Variants in CYP39A1 observed in about 807,000 individuals in gnomAD.
CYP39A1 encodes 24-hydroxycholesterol 7-alpha-hydroxylase.
In CYP39A1, 49 loss-of-function variants were observed where a neutral mutation model predicts 58.1. That is an observed-to-expected ratio of 0.84 (90% confidence interval 0.67 to 1.07). CYP39A1 has a LOEUF of 1.07. CYP39A1 is among the 50% of genes least tolerant of loss of function. The pLI is 0.00. For missense variants in CYP39A1, 531 were observed against 539.4 expected, an observed-to-expected ratio of 0.98 and a Z score of 0.16; for synonymous variants, 209 against 187.6, an observed-to-expected ratio of 1.11 and a Z score of -0.93.
intron 7 of CYP39A1, among the ~76,000 whole-genome samples, chr6:46,602,266 G>C (rs1358373066): frequency 2.0e-5 from 3 of 152,118 alleles, no homozygotes; most frequent in African/African-American, 7.2e-5. Flanking sequence ...AGTCAAATTT[G>C]AAAGACGTTT....
intron 1 of CYP39A1, among the ~76,000 whole-genome samples, chr6:46,645,285 C>A (rs372358674): frequency 6.6e-6 from 1 of 152,010 alleles, no homozygotes; most frequent in East Asian, 1.9e-4. Context: ...ACATTTAAGT[C>A]TGTTATCTAT....
intron 7 of CYP39A1, among the ~76,000 whole-genome samples, chr6:46,617,860 T>A (rs1330361361): frequency 5.3e-5 from 8 of 152,192 alleles, no homozygotes; most frequent in Non-Finnish European, 1.2e-4. Flanking sequence ...ACTATTACTG[T>A]TTCTACTACT....
rs1277253752 is a variant in CYP39A1, at chr6:46,596,142, GAAAT to G, written c.932-26_932-23del. Reference sequence around the variant, plus strand: ...TTGCCTGTAAAAAAATTTTTAATGAGAAATAAATAGACTACAGAGGTCAGAAAGT... The same window carrying G: ...TTGCCTGTAAAAAAATTTTTAATGAGAAATAGACTACAGAGGTCAGAAAGT... On this transcript the variant is annotated intron_variant, in intron 7 of 11. Transcript: ENST00000275016. 3.4e-5 allele frequency: 53 copies of G among 1,577,744 alleles called. No individual in the cohort carries two copies. In the Admixed American group the frequency reaches 8.9e-4, roughly 26 times the overall value.
intron 7 of CYP39A1, among the ~76,000 whole-genome samples, chr6:46,602,072 C>G (rs9472789): frequency 0.071 from 10,815 of 152,096 alleles, 883 homozygotes; most frequent in African/African-American, 0.2. Context: ...TAGATCTGTT[C>G]TTCGATGTAT....
intron 10 of CYP39A1, among the ~76,000 whole-genome samples, chr6:46,554,617 A>G (rs1770575721): frequency 6.6e-6 from 1 of 152,240 alleles, no homozygotes. Context: ...GAAACTAAAA[A>G]ACTGAAAAAA....
intron 10 of CYP39A1, among the ~76,000 whole-genome samples, chr6:46,556,624 G>C (rs1179227242): frequency 6.6e-6 from 1 of 152,154 alleles, no homozygotes; most frequent in East Asian, 1.9e-4. Flanking sequence ...TGGACCATTA[G>C]CTAGAGCTCT....
At chr6:46,639,795 C>T in intron 2 of CYP39A1, 127 bp from the exon 3 acceptor site, 1 of 696,864 alleles carries the variant, frequency 1.4e-6, no homozygotes, top group East Asian at 2.7e-5. Context: ...AAGGTCACCT[C>T]CCATAAATAA....
rs1561994544 is a variant in CYP39A1 at position 46,616,259 on chromosome 6, T to TTCCTTC, written c.931+9158_931+9159insGAAGGA. ...CCCTCCCTCCCTTCCTTCCTTCCTTTCTTCCTTCCTTCCTTCCTTCCTTCA... is the reference window on the plus strand; with the variant it reads ...CCCTCCCTCCCTTCCTTCCTTCCTTTTCCTTCCTTCCTTCCTTCCTTCCTTCCTTCA... On this transcript the variant is annotated intron_variant, in intron 7 of 11. Coordinates refer to ENST00000275016, the MANE Select transcript of CYP39A1 (RefSeq NM_016593.5). Among the ~76,000 whole-genome samples the TTCCTTC allele has an allele frequency of 1.0e-4, 7 of 68,080 alleles. 2 individuals are homozygous for TTCCTTC. Among genetic ancestry groups the TTCCTTC allele is most frequent in the African/African-American group, 4.3e-4 (6 of 13,866 alleles). 44.7% of individuals were successfully genotyped at this position (68,080 alleles called of 152,430 possible). A position where few individuals can be genotyped will look rare whatever the true frequency, so the allele number is the denominator to read the frequency against.
chr6:46,614,277 A>G (rs1475624734), intron 7 of CYP39A1, among the ~76,000 whole-genome samples: 1 of 152,182 alleles, frequency 6.6e-6, no homozygotes, highest in Non-Finnish European at 1.5e-5. Flanking sequence ...TAAATAAGGT[A>G]AATAAACTAA....
intron 7 of CYP39A1, among the ~76,000 whole-genome samples, chr6:46,607,477 A>G (rs1773918351): frequency 6.6e-6 from 1 of 151,904 alleles, no homozygotes; most frequent in African/African-American, 2.4e-5. Flanking sequence ...ACACACACAC[A>G]CACACACACA....
chr6:46,558,506 C>T (rs1770778595), intron 10 of CYP39A1, among the ~76,000 whole-genome samples: 1 of 152,098 alleles, frequency 6.6e-6, no homozygotes, highest in Non-Finnish European at 1.5e-5. Flanking sequence ...TCAATCACCT[C>T]CTACCAGGCC....
At chr6:46,561,992 T>C (rs911148122) in intron 10 of CYP39A1, among the ~76,000 whole-genome samples, 9 of 152,156 alleles carry the variant, frequency 5.9e-5, no homozygotes, top group African/African-American at 9.7e-5. Context: ...CTACAGTTAA[T>C]AACAATATGA....
At chr6:46,623,303 G>A (rs189224212) in intron 7 of CYP39A1, among the ~76,000 whole-genome samples, 2 of 152,224 alleles carry the variant, frequency 1.3e-5, no homozygotes, top group East Asian at 3.9e-4. Flanking sequence ...CCTCCTATAT[G>A]TGGGTGGGTA....
At chr6:46,622,280 A>G (rs1352054979) in intron 7 of CYP39A1, among the ~76,000 whole-genome samples, 4 of 152,048 alleles carry the variant, frequency 2.6e-5, no homozygotes, top group Non-Finnish European at 5.9e-5. Flanking sequence ...AAATATACTA[A>G]AAACTACTAC....
chr6:46,622,454 TA>T (rs1351914712), intron 7 of CYP39A1, among the ~76,000 whole-genome samples: 1 of 151,090 alleles, frequency 6.6e-6, no homozygotes, highest in Non-Finnish European at 1.5e-5. Context: ...AATGTCCCAT[TA>T]AAAAAAATGA....
At chr6:46,589,398 A>G (rs1464772333) in intron 8 of CYP39A1, among the ~76,000 whole-genome samples, 1 of 152,068 alleles carries the variant, frequency 6.6e-6, no homozygotes, top group Non-Finnish European at 1.5e-5. Context: ...GGGTACAGTG[A>G]GCTATGATTG....
intron 1 of CYP39A1, among the ~76,000 whole-genome samples, chr6:46,646,436 T>C (rs1284521944): frequency 6.6e-6 from 1 of 152,110 alleles, no homozygotes; most frequent in African/African-American, 2.4e-5. Flanking sequence ...CTTCACTCGG[T>C]AATTCTTTTC....
intron 10 of CYP39A1, among the ~76,000 whole-genome samples, chr6:46,568,452 G>A (rs1383561750): frequency 6.6e-6 from 1 of 152,018 alleles, no homozygotes; most frequent in African/African-American, 2.4e-5. Context: ...TGCCTTTGGT[G>A]TCATATCCAA....
At chr6:46,567,249 A>T (rs566529077) in intron 10 of CYP39A1, among the ~76,000 whole-genome samples, 34 of 152,224 alleles carry the variant, frequency 2.2e-4, no homozygotes, top group African/African-American at 7.5e-4. Context: ...TTCTGTGTGT[A>T]GCTGATTTCA....
Sources: gnomAD v4.1 joint callset for allele counts (sites outside exome capture counted in the v4.1 genomes callset) on GRCh38, gnomAD v4.1.1 for gene constraint, MANE v1.5 for transcripts, NCBI Gene and HGNC (gene_info 2026-07-23, HGNC 2026-07-21) for gene names.